Variants in TRPM3 observed in about 807,000 individuals in gnomAD.
TRPM3 encodes the protein transient receptor potential cation channel subfamily M member 3, also known as long transient receptor potential channel 3.
Under a neutral mutation model 181.2 loss-of-function variants are expected in TRPM3, and 77 were observed. That is an observed-to-expected ratio of 0.42 (90% CI 0.35 to 0.51). The LOEUF (loss-of-function observed/expected upper bound fraction) is 0.51. Among genes scored for constraint, TRPM3 ranks in the 20% least tolerant of loss-of-function variants. The pLI is 0.01. For missense variants in TRPM3, 1,759 were observed against 2,196.7 expected (o/e 0.80, Z 3.98); for synonymous variants, 745 against 796.4 (o/e 0.94, Z 1.09).
rs1436679260 is a variant in TRPM3 at position 70,533,234 on chromosome 9, G to A, written c.*2719C>T. The A allele has an allele frequency of 6.6e-6, 1 of 152,144 alleles. No individual in the cohort carries two copies. The highest frequency in any genetic ancestry group is 1.5e-5 in the Non-Finnish European group (1 of 68,036). 9.4% of individuals were successfully genotyped at this position (152,144 alleles called of 1,614,324 possible). A position where few individuals can be genotyped will look rare whatever the true frequency, so the allele number is the denominator to read the frequency against. On this transcript the variant is annotated 3_prime_UTR_variant, in exon 26 of 26. Transcript: ENST00000677713. The stretch of plus-strand genomic sequence containing the variant: ...ATCTGGCCCAGAATGAGGCCTTGGA[G>A]GTGTTTGATGTCAATGAATAATGTT...
chr9:71,251,321 C>G (rs1346991554), intron 1 of TRPM3, among the ~76,000 whole-genome samples: 1 of 152,132 alleles, frequency 6.6e-6, no homozygotes, highest in Admixed American at 6.5e-5. Flanking sequence ...TGTGAACTCC[C>G]CTATCATAGC....
At chr9:70,907,577 G>C (rs1379998679) in intron 1 of TRPM3, among the ~76,000 whole-genome samples, 1 of 152,180 alleles carries the variant, frequency 6.6e-6, no homozygotes, top group Non-Finnish European at 1.5e-5. Context: ...TTAGATTCAA[G>C]GGTATAGGTA....
chr9:70,832,323 A>G (rs1214388368), intron 5 of TRPM3, among the ~76,000 whole-genome samples: 1 of 152,124 alleles, frequency 6.6e-6, no homozygotes, highest in East Asian at 1.9e-4. Context: ...GTATATCTAA[A>G]AGAGAAATTT....
intron 1 of TRPM3, among the ~76,000 whole-genome samples, chr9:70,969,756 T>TTATATTTATATATATATATATA (rs924887097): frequency 3.9e-5 from 5 of 126,590 alleles, no homozygotes; most frequent in African/African-American, 1.4e-4. Context: ...CTGAATGATT[T>TTATATTTATATATATATATATA]TATATATATA....
chr9:71,220,019 T>C (rs1277069368), intron 1 of TRPM3, among the ~76,000 whole-genome samples: 1 of 152,216 alleles, frequency 6.6e-6, no homozygotes, highest in Non-Finnish European at 1.5e-5. Flanking sequence ...GAGTTTTCAC[T>C]AGTGAGAAAG....
intron 1 of TRPM3, among the ~76,000 whole-genome samples, chr9:71,324,749 A>G (rs1459556639): frequency 6.6e-6 from 1 of 152,124 alleles, no homozygotes; most frequent in Non-Finnish European, 1.5e-5. Context: ...GCATAAAGAA[A>G]GTGTGGTATA....
intron 1 of TRPM3, among the ~76,000 whole-genome samples, chr9:71,194,622 T>G (rs1050324567): frequency 3.3e-5 from 5 of 151,960 alleles, no homozygotes; most frequent in African/African-American, 9.7e-5. Flanking sequence ...TACTGAACTC[T>G]GACGCAAGTG....
At chr9:71,048,461 T>C (rs755466998) in intron 1 of TRPM3, among the ~76,000 whole-genome samples, 2 of 152,218 alleles carry the variant, frequency 1.3e-5, no homozygotes, top group Non-Finnish European at 2.9e-5. Context: ...TCACTGGACA[T>C]GCATGAATAG....
chr9:70,549,869 T>A (rs1437535096), intron 24 of TRPM3, among the ~76,000 whole-genome samples, 195 bp from the exon 25 acceptor site: 1 of 152,138 alleles, frequency 6.6e-6, no homozygotes, highest in African/African-American at 2.4e-5. Context: ...TGAAATTTAT[T>A]ATGGGTCTCT....
At chr9:70,899,879 A>C (rs2096358518) in intron 1 of TRPM3, among the ~76,000 whole-genome samples, 1 of 152,212 alleles carries the variant, frequency 6.6e-6, no homozygotes, top group Non-Finnish European at 1.5e-5. Flanking sequence ...CCAATCAACC[A>C]ATCACTGGAT....
intron 5 of TRPM3, among the ~76,000 whole-genome samples, chr9:70,841,658 ATAT>A (rs1454513227): frequency 0.038 from 4,297 of 114,074 alleles, 158 homozygotes; most frequent in South Asian, 0.07. Context: ...ATATATATAT[ATAT>A]CCCACCATAT....
At chr9:71,001,927 C>T (rs1411483544) in intron 1 of TRPM3, among the ~76,000 whole-genome samples, 2 of 152,152 alleles carry the variant, frequency 1.3e-5, no homozygotes, top group Non-Finnish European at 2.9e-5. Context: ...AAAGGAAATG[C>T]ATTTGGGATG....
At chr9:70,797,111 T>C (rs560098061) in intron 6 of TRPM3, among the ~76,000 whole-genome samples, 3 of 152,242 alleles carry the variant, frequency 2.0e-5, no homozygotes, top group African/African-American at 7.2e-5. Context: ...GCCTGGGTGA[T>C]AGAGTGAGAT....
chr9:70,877,848 C>T (rs1344774365), intron 1 of TRPM3, among the ~76,000 whole-genome samples: 1 of 146,472 alleles, frequency 6.8e-6, no homozygotes. Context: ...AAATTCCTGG[C>T]TCTGGGAAGC....
chr9:70,617,102 C>A (rs527704183), intron 17 of TRPM3, among the ~76,000 whole-genome samples: 1 of 152,144 alleles, frequency 6.6e-6, no homozygotes, highest in Non-Finnish European at 1.5e-5. Flanking sequence ...CCCACAGGGA[C>A]GCCAAAGTAG....
chr9:70,591,915 A>G (rs1411912989), intron 21 of TRPM3, among the ~76,000 whole-genome samples: 3 of 152,116 alleles, frequency 2.0e-5, no homozygotes, highest in East Asian at 3.8e-4. Context: ...GGGCATTAGA[A>G]TCATGCACCC....
intron 1 of TRPM3, among the ~76,000 whole-genome samples, chr9:70,948,978 G>C (rs1482006414): frequency 6.6e-6 from 1 of 152,088 alleles, no homozygotes; most frequent in Non-Finnish European, 1.5e-5. Flanking sequence ...TGTTTTTAGG[G>C]AGAGAAAGTC....
At chr9:71,175,793 T>C (rs1472552282) in intron 1 of TRPM3, among the ~76,000 whole-genome samples, 5 of 152,226 alleles carry the variant, frequency 3.3e-5, no homozygotes, top group Non-Finnish European at 7.3e-5. Flanking sequence ...TTAGCAGCTA[T>C]GCAGTGCAGT....
chr9:70,610,505 G>T, intron 19 of TRPM3, 104 bp downstream of exon 19: 1 of 1,392,336 alleles, frequency 7.2e-7, no homozygotes, highest in Non-Finnish European at 9.9e-7. Context: ...TCACTCCTGT[G>T]TGTGGCACTT....
Sources: gnomAD v4.1 joint callset for allele counts (sites outside exome capture counted in the v4.1 genomes callset) on GRCh38, gnomAD v4.1.1 for gene constraint, MANE v1.5 for transcripts, NCBI Gene and HGNC (gene_info 2026-07-23, HGNC 2026-07-21) for gene names.